PMS1: variants seen among roughly 807,000 people sequenced by gnomAD.
PMS1 encodes PMS1 protein homolog 1.
A neutral mutation model predicts 93.1 loss-of-function variants in PMS1; 79 were observed. The ratio of observed to expected loss-of-function variants is 0.85; its 90% CI spans 0.71 to 1.02. The LOEUF (loss-of-function observed/expected upper bound fraction) is 1.02, where lower values mean the gene tolerates loss of function less well. PMS1 is among the 50% of genes least tolerant of loss of function. The pLI is 0.00. For synonymous variants in PMS1, 335 were observed against 363.4 expected, an observed-to-expected ratio of 0.92 and a Z score of 0.89; for missense variants, 1,064 against 1,085.3, an observed-to-expected ratio of 0.98 and a Z score of 0.28.
At chr2:189,801,942 A>G (rs1351750329) in intron 3 of PMS1, among the ~76,000 whole-genome samples, 3 of 152,196 alleles carry the variant, frequency 2.0e-5, no homozygotes, top group Non-Finnish European at 4.4e-5. Context: ...GCTATTCCAC[A>G]TTTTGGGGAA....
chr2:189,857,546 C>T (rs1189504542), intron 9 of PMS1: 2 of 436,950 alleles, frequency 4.6e-6, no homozygotes, highest in East Asian at 7.3e-5. Context: ...TTCTATAGAC[C>T]TTCAGTCCAT....
chr2:189,847,235 T>G (rs2054331786), intron 6 of PMS1, among the ~76,000 whole-genome samples: 1 of 152,196 alleles, frequency 6.6e-6, no homozygotes, highest in South Asian at 2.1e-4. Flanking sequence ...ATTATTTGTT[T>G]ATTGTGCTGA....
chr2:189,829,560 T>A (rs1365121427), intron 5 of PMS1, among the ~76,000 whole-genome samples: 3 of 152,200 alleles, frequency 2.0e-5, no homozygotes, highest in African/African-American at 7.2e-5. Context: ...CACTTAATTG[T>A]ACTTGTTTGA....
intron 11 of PMS1, among the ~76,000 whole-genome samples, chr2:189,868,507 T>C (rs1433101632): frequency 6.6e-6 from 1 of 152,208 alleles, no homozygotes; most frequent in Non-Finnish European, 1.5e-5. Flanking sequence ...TGGCCCCTTC[T>C]CTGTTCCTTT....
At chr2:189,873,160 A>G (rs2057294602) in intron 11 of PMS1, among the ~76,000 whole-genome samples, 1 of 152,270 alleles carries the variant, frequency 6.6e-6, no homozygotes, top group South Asian at 2.1e-4. Flanking sequence ...AGCAGTTGTT[A>G]AAACACTTAA....
At chr2:189,822,029 C>T (rs1490127093) in intron 5 of PMS1, among the ~76,000 whole-genome samples, 1 of 152,180 alleles carries the variant, frequency 6.6e-6, no homozygotes. Context: ...CCGCCACTCG[C>T]TCTCCGGGCG....
intron 5 of PMS1, among the ~76,000 whole-genome samples, chr2:189,827,057 A>G (rs571958038): frequency 6.6e-6 from 1 of 152,304 alleles, no homozygotes; most frequent in East Asian, 1.9e-4. Flanking sequence ...TCACTGATAC[A>G]TCTTCTTTAG....
chr2:189,790,021 A>G (rs1040579966), intron 1 of PMS1, among the ~76,000 whole-genome samples: 1 of 152,130 alleles, frequency 6.6e-6, no homozygotes, highest in African/African-American at 2.4e-5. Flanking sequence ...GAGATTTTGG[A>G]TCTGCAGGTT....
At chr2:189,813,937 A>G (rs1362815781) in intron 4 of PMS1, among the ~76,000 whole-genome samples, 4 of 152,208 alleles carry the variant, frequency 2.6e-5, no homozygotes. Flanking sequence ...AGTTGAAGAC[A>G]TGGGAATGGA....
At chr2:189,850,976 T>C (rs887574694) in intron 6 of PMS1, among the ~76,000 whole-genome samples, 3 of 152,210 alleles carry the variant, frequency 2.0e-5, no homozygotes, top group Admixed American at 6.5e-5. Context: ...ATTTTTGTTA[T>C]GCTTTTTAGG....
intron 3 of PMS1, among the ~76,000 whole-genome samples, chr2:189,803,561 A>G (rs1173234505): frequency 1.3e-5 from 2 of 152,120 alleles, no homozygotes; most frequent in Non-Finnish European, 2.9e-5. Flanking sequence ...GTGTACTGTT[A>G]GAGATGCTCC....
intron 1 of PMS1, chr2:189,785,603 C>T (rs750004688): frequency 6.6e-6 from 1 of 152,144 alleles, no homozygotes; most frequent in Non-Finnish European, 1.5e-5. Flanking sequence ...GAGCAACAGA[C>T]AGAAACACAT....
intron 4 of PMS1, among the ~76,000 whole-genome samples, chr2:189,812,133 T>G (rs2050900162): frequency 6.6e-6 from 1 of 152,140 alleles, no homozygotes; most frequent in African/African-American, 2.4e-5. Context: ...AAACCCTGTT[T>G]CTACTAAAAA....
intron 5 of PMS1, among the ~76,000 whole-genome samples, chr2:189,820,719 TG>T (rs2051775400): frequency 6.6e-6 from 1 of 152,190 alleles, no homozygotes; most frequent in South Asian, 2.1e-4. Context: ...TCTGTTTATA[TG>T]GGGGAACTTA....
chr2:189,842,947 G>A lies in PMS1; in HGVS notation c.583-1017G>A, dbSNP rs142717499. Among the ~76,000 whole-genome samples the A allele has an allele frequency of 5.5e-5, 8 of 146,278 alleles. No homozygotes were observed. In the East Asian group the frequency reaches 1.6e-3, roughly 29 times the overall value. On this transcript the variant is annotated intron_variant, in intron 5 of 12. Transcript: ENST00000441310. ...GATAATTTAAAAGGGCTCACATTTT[G>A]CAGATACAAAGTATTTATATATATA...
chr2:189,804,378 C>T (rs1030550145), intron 3 of PMS1, among the ~76,000 whole-genome samples: 5 of 152,122 alleles, frequency 3.3e-5, no homozygotes, highest in Non-Finnish European at 7.3e-5. Context: ...ATTTTTGAAC[C>T]ATGGAATGTA....
chr2:189,792,688 A>AATATATATAT (rs3067428), intron 2 of PMS1, among the ~76,000 whole-genome samples: 2,027 of 127,084 alleles, frequency 0.016, 22 homozygotes, highest in African/African-American at 0.022. Flanking sequence ...TATGGACACA[A>AATATATATAT]ATATATATAT....
chr2:189,819,122 A>G (rs894605367), intron 5 of PMS1, among the ~76,000 whole-genome samples: 2 of 152,160 alleles, frequency 1.3e-5, no homozygotes, highest in African/African-American at 4.8e-5. Flanking sequence ...TTTAGCTTCC[A>G]CTTATAAGTG....
At chr2:189,812,496 A>G (rs2050934615) in intron 4 of PMS1, among the ~76,000 whole-genome samples, 1 of 152,220 alleles carries the variant, frequency 6.6e-6, no homozygotes, top group South Asian at 2.1e-4. Context: ...ATCTGCAAGA[A>G]GGAAAGAAAA....
Sources: gnomAD v4.1 joint callset for allele counts (sites outside exome capture counted in the v4.1 genomes callset) on GRCh38, gnomAD v4.1.1 for gene constraint, MANE v1.5 for transcripts, NCBI Gene and HGNC (gene_info 2026-07-23, HGNC 2026-07-21) for gene names.